IQCM: variants seen among roughly 807,000 people sequenced by gnomAD.
The protein encoded by IQCM is IQ domain-containing protein M.
In IQCM, 45 loss-of-function variants were observed where a neutral mutation model predicts 57.6. That is an observed-to-expected ratio of 0.78 (90% confidence interval 0.62 to 1.00). The LOEUF is 1.00. Ranked by LOEUF, IQCM falls within the 50% of genes least tolerant of loss-of-function variation. The probability of loss-of-function intolerance (pLI) is 0.00; values close to 1 mark genes in which losing one functional copy is unlikely to be tolerated. For synonymous variants in IQCM, 148 were observed against 158.9 expected (o/e 0.93, Z 0.51); for missense variants, 468 against 511.6 (o/e 0.91, Z 0.82).
At chr4:149,656,740 G>A (rs925499309) in intron 7 of IQCM, among the ~76,000 whole-genome samples, 1 of 152,064 alleles carries the variant, frequency 6.6e-6, no homozygotes, top group Admixed American at 6.6e-5. Context: ...CTGGAGAGTT[G>A]ATGCACTGGT....
intron 13 of IQCM, among the ~76,000 whole-genome samples, chr4:149,391,428 A>G (rs1731848313): frequency 6.6e-6 from 1 of 151,696 alleles, no homozygotes; most frequent in African/African-American, 2.4e-5. Context: ...TGATTTTTTT[A>G]AAAACCAACT....
At chr4:149,354,804 T>C (rs976592251) in intron 13 of IQCM, among the ~76,000 whole-genome samples, 1 of 152,126 alleles carries the variant, frequency 6.6e-6, no homozygotes, top group African/African-American at 2.4e-5. Flanking sequence ...AAACTATATG[T>C]CAAAAGATAT....
chr4:149,658,955 A>G (rs566330175), intron 7 of IQCM, among the ~76,000 whole-genome samples: 1 of 151,940 alleles, frequency 6.6e-6, no homozygotes, highest in Non-Finnish European at 1.5e-5. Flanking sequence ...TCCAATTTGG[A>G]TGCATCTTGT....
chr4:149,794,736 T>A (rs1580318724), intron 2 of IQCM, among the ~76,000 whole-genome samples: 1 of 152,188 alleles, frequency 6.6e-6, no homozygotes, highest in East Asian at 1.9e-4. Context: ...TAGAATTCAA[T>A]ACAAAAGCTG....
In IQCM at chr4:149,753,329, T is replaced by C. The variant is rs190573120; in HGVS notation, c.-48-10590A>G. On this transcript the variant is annotated intron_variant, in intron 2 of 13. Transcript: ENST00000636793. The stretch of plus-strand genomic sequence containing the variant: ...GAGACAGAGGAGGAAACCATCTCTC[T>C]AAAAAAGAATATAAAAATATGAAAC... Among the ~76,000 whole-genome samples, 3 of 151,990 alleles carry C rather than the reference T, an allele frequency of 2.0e-5. No individual in the cohort carries two copies. The East Asian group carries it at 5.8e-4, about 29-fold the overall frequency.
chr4:149,639,376 T>C (rs1461389630), intron 7 of IQCM, among the ~76,000 whole-genome samples: 3 of 149,304 alleles, frequency 2.0e-5, no homozygotes, highest in African/African-American at 5.0e-5. Flanking sequence ...CAGTGAGCTA[T>C]GATCGTGCCG....
At position 149,568,861 on chromosome 4, in the gene IQCM, C is replaced by T. The variant is rs181477790; in HGVS notation, c.750-4971G>A. On this transcript the variant is annotated intron_variant, in intron 9 of 13. Transcript: ENST00000636793. ...CAGTATATTGATGGCCAATTAAAGCCTCCTTAAATCCATACCTTTGCAACG... is the reference window on the plus strand; with the variant it reads ...CAGTATATTGATGGCCAATTAAAGCTTCCTTAAATCCATACCTTTGCAACG... Among the ~76,000 whole-genome samples the T allele has an allele frequency of 2.9e-3, 437 of 152,238 alleles. 1 individual carries two copies. Among genetic ancestry groups the T allele is most frequent in the Middle Eastern group, 0.01 (3 of 294 alleles).
At chr4:149,389,245 G>A (rs1468760727) in intron 13 of IQCM, among the ~76,000 whole-genome samples, 1 of 151,900 alleles carries the variant, frequency 6.6e-6, no homozygotes, top group Admixed American at 6.6e-5. Context: ...ATGAAAAGGT[G>A]ATTCTTCTCC....
intron 8 of IQCM, among the ~76,000 whole-genome samples, chr4:149,607,167 G>GA (rs898187593): frequency 3.3e-5 from 5 of 150,352 alleles, no homozygotes; most frequent in South Asian, 4.2e-4. Context: ...ATCAGTAAAA[G>GA]AAAAAAAAAG....
rs576823753 is a variant in IQCM at position 149,501,039 on chromosome 4, T to C, written c.1228+47416A>G. 2.0e-5 allele frequency among the ~76,000 whole-genome samples: 3 copies of C among 152,330 alleles called. No individual in the cohort carries two copies. The South Asian group carries it at 6.2e-4, about 32-fold the overall frequency. On this transcript the variant is annotated intron_variant, in intron 12 of 13. Transcript: ENST00000636793. ...CATTTTTGGAAGACAAAAATCTCTT[T>C]ATATTTATTTGGCATGAAATACTTA...
chr4:149,640,789 GT>G (rs1758115267), intron 7 of IQCM, among the ~76,000 whole-genome samples: 1 of 152,062 alleles, frequency 6.6e-6, no homozygotes, highest in Non-Finnish European at 1.5e-5. Context: ...TATATTAAAA[GT>G]TTTTTAACAA....
chr4:149,666,366 C>T (rs1760723168), intron 7 of IQCM, among the ~76,000 whole-genome samples: 1 of 152,098 alleles, frequency 6.6e-6, no homozygotes, highest in South Asian at 2.1e-4. Context: ...CCATGAGAAA[C>T]TGTGCTGTGA....
At chr4:149,479,198 A>T (rs576968970) in intron 12 of IQCM, among the ~76,000 whole-genome samples, 1 of 152,308 alleles carries the variant, frequency 6.6e-6, no homozygotes, top group South Asian at 2.1e-4. Flanking sequence ...GACTGGTTAC[A>T]TTGAACCTAT....
intron 3 of IQCM, among the ~76,000 whole-genome samples, chr4:149,739,073 A>T (rs959158488): frequency 6.6e-6 from 1 of 152,156 alleles, no homozygotes; most frequent in Non-Finnish European, 1.5e-5. Flanking sequence ...TCTTTTACAC[A>T]TTCAAGTGCA....
At chr4:149,600,089 T>A (rs1439208458) in intron 8 of IQCM, among the ~76,000 whole-genome samples, 1 of 152,174 alleles carries the variant, frequency 6.6e-6, no homozygotes, top group Non-Finnish European at 1.5e-5. Flanking sequence ...ACAGTATTTT[T>A]AAAAATCGAA....
chr4:149,701,740 AATGGTT>A (rs1436674845), intron 5 of IQCM, among the ~76,000 whole-genome samples: 2 of 151,962 alleles, frequency 1.3e-5, no homozygotes, highest in Non-Finnish European at 2.9e-5. Flanking sequence ...AAGAATAGAA[AATGGTT>A]AGAGTCAGAT....
chr4:149,575,293 G>A (rs1277910678), intron 9 of IQCM, among the ~76,000 whole-genome samples: 1 of 151,866 alleles, frequency 6.6e-6, no homozygotes, highest in African/African-American at 2.4e-5. Flanking sequence ...GGGTGATATA[G>A]ATTTTTAAGG....
intron 8 of IQCM, among the ~76,000 whole-genome samples, chr4:149,610,184 C>T (rs1041140301): frequency 1.3e-5 from 2 of 151,778 alleles, no homozygotes; most frequent in Admixed American, 1.3e-4. Flanking sequence ...AGTAAAATAT[C>T]TCTACAAGGA....
intron 12 of IQCM, among the ~76,000 whole-genome samples, chr4:149,456,857 T>C (rs555621493): frequency 7.2e-5 from 11 of 152,182 alleles, no homozygotes; most frequent in Non-Finnish European, 1.5e-4. Context: ...CTGAACTCCA[T>C]GAAAGCCAGT....
Sources: allele counts gnomAD v4.1 joint callset (sites outside exome capture counted in the v4.1 genomes callset), GRCh38; gene constraint gnomAD v4.1.1; transcripts MANE v1.5; gene names NCBI Gene and HGNC (gene_info 2026-07-23, HGNC 2026-07-21).